Variants in TBX18 observed in about 807,000 individuals in gnomAD.
TBX18 encodes T-box transcription factor TBX18.
Under a neutral mutation model 55.0 loss-of-function variants are expected in TBX18, and 21 were observed. That is an observed-to-expected ratio of 0.38 (90% CI 0.27 to 0.55). TBX18 has a LOEUF of 0.55. TBX18 is among the 20% of genes least tolerant of loss of function. The pLI, the probability that TBX18 is intolerant of heterozygous loss-of-function variation, is 0.73. For missense variants in TBX18, 840 were observed against 799.6 expected (o/e 1.05, Z -0.61); for synonymous variants, 342 against 326.1 (o/e 1.05, Z -0.53).
intron 3 of TBX18, among the ~76,000 whole-genome samples, chr6:84,758,664 T>C (rs912784639): frequency 9.9e-5 from 15 of 152,118 alleles, no homozygotes; most frequent in African/African-American, 1.4e-4. Context: ...TGGAAATGAA[T>C]TGAGTTACTG....
chr6:84,759,501 A>G (rs376215745), intron 3 of TBX18, among the ~76,000 whole-genome samples: 162 of 152,210 alleles, frequency 1.1e-3, no homozygotes, highest in Middle Eastern at 3.4e-3. Flanking sequence ...TTAGCTCTTC[A>G]GAAAAATATA....
rs1485493339 is a variant in TBX18, at chr6:84,764,397, C to T, written c.-216G>A. The T allele has an allele frequency of 1.6e-6, 1 of 614,080 alleles. No individual in the cohort carries two copies. The highest frequency in any genetic ancestry group is 2.6e-6 in the Non-Finnish European group (1 of 388,864). 38.0% of individuals were successfully genotyped at this position (614,080 alleles called of 1,614,324 possible). On this transcript the variant is annotated 5_prime_UTR_variant, in exon 1 of 8. Coordinates refer to ENST00000369663, the MANE Select transcript of TBX18 (RefSeq NM_001080508.3). ...CGACGCGCCGGCCAAGTCTCCTTTC[C>T]TGGGTCTCTCTCGCGCGCTCTCTCA...
chr6:84,762,143 T>A (rs190077535), intron 2 of TBX18, among the ~76,000 whole-genome samples: 1 of 146,758 alleles, frequency 6.8e-6, no homozygotes, highest in East Asian at 2.0e-4. Context: ...AAACTGCTGT[T>A]TAAAAATAAA....
At chr6:84,762,265 G>A (rs962223784) in intron 2 of TBX18, among the ~76,000 whole-genome samples, 1 of 152,116 alleles carries the variant, frequency 6.6e-6, no homozygotes, top group African/African-American at 2.4e-5. Context: ...CGCCCTGAAC[G>A]CAGAACATCA....
Position 84,762,608 on chromosome 6 carries a change from C to G in TBX18, c.433G>C (p.Gly145Arg), listed in dbSNP as rs1263168175. The change falls in exon 2 of 8, where the codon GGA (glycine) becomes CGA (arginine). Residue 145 changes from glycine (G) to arginine (R), a missense_variant. Physicochemically the swap from Gly to Arg is moderately radical, Grantham distance 125 (BLOSUM62 -2). Transcript: ENST00000369663. ...TGAAAGCGCTTCCAGAGCTCGGCTC[C>G]CTGCAGATCCACCCGCGGGGCCTGC... ...SPQAPRVDLQ[G>R]AELWKRFHEI... 8 of 1,613,600 alleles carry G rather than the reference C, an allele frequency of 5.0e-6. No individual in the cohort carries two copies. Among genetic ancestry groups the G allele is most frequent in the Non-Finnish European group, 6.8e-6 (8 of 1,179,834 alleles).
chr6:84,737,668 G>A (rs1766918827), intron 7 of TBX18, among the ~76,000 whole-genome samples: 1 of 152,168 alleles, frequency 6.6e-6, no homozygotes, highest in African/African-American at 2.4e-5. Flanking sequence ...CTTAGAGAGG[G>A]TAGTTAACCC....
chr6:84,745,741 A>G (rs1183827819), intron 5 of TBX18, among the ~76,000 whole-genome samples: 1 of 152,138 alleles, frequency 6.6e-6, no homozygotes, highest in Non-Finnish European at 1.5e-5. Flanking sequence ...TTTTTTAAAA[A>G]GTACAGATTT....
chr6:84,758,749 C>T (rs215941), intron 3 of TBX18, among the ~76,000 whole-genome samples: 22,966 of 152,014 alleles, frequency 0.15, 2,304 homozygotes, highest in East Asian at 0.39. Context: ...AACTCCACAC[C>T]CACTGACAGA....
intron 3 of TBX18, among the ~76,000 whole-genome samples, chr6:84,759,106 T>G (rs952820981): frequency 6.6e-6 from 1 of 152,152 alleles, no homozygotes; most frequent in Non-Finnish European, 1.5e-5. Context: ...CAAGTATATT[T>G]AAAAAATGAA....
At chr6:84,742,962 T>C (rs1029926812) in intron 6 of TBX18, among the ~76,000 whole-genome samples, 4 of 151,898 alleles carry the variant, frequency 2.6e-5, no homozygotes, top group African/African-American at 9.7e-5. Context: ...CAGAAACACC[T>C]CTGAAAAACA....
Position 84,762,747 on chromosome 6 carries a change from G to T in TBX18, c.294C>A (p.Gly98=), listed in dbSNP as rs1767689532. Residue 98 remains glycine (G), a splice_region_variant and synonymous_variant, in exon 2 of 8, where the codon GGC becomes GGA. Coordinates refer to ENST00000369663, the MANE Select transcript of TBX18 (RefSeq NM_001080508.3). ...SGADLERGAA[G]GCEDGFQQGA... is the part of the protein sequence containing the mutation. ...CCTGCTGGAAGCCGTCCTCACAGCC[G>T]CCTGGACAGCAAAGGACAGAGAAAG... is the stretch of plus-strand genomic sequence containing the variant. 1 of 1,596,066 alleles carries T rather than the reference G, an allele frequency of 6.3e-7. No individual in the cohort carries two copies. The highest frequency in any genetic ancestry group is 1.1e-5 in the South Asian group (1 of 89,842).
chr6:84,761,945 G>A (rs1306600102), intron 2 of TBX18, among the ~76,000 whole-genome samples: 1 of 152,140 alleles, frequency 6.6e-6, no homozygotes, highest in African/African-American at 2.4e-5. Flanking sequence ...TTAAAAATCA[G>A]GGTAATTATT....
intron 2 of TBX18, among the ~76,000 whole-genome samples, chr6:84,762,093 A>G (rs185314721): frequency 1.3e-5 from 2 of 152,292 alleles, no homozygotes; most frequent in African/African-American, 4.8e-5. Context: ...TCTGCCTGGG[A>G]GTTTCAAATC....
chr6:84,756,516 G>A (rs1381613049), intron 4 of TBX18, among the ~76,000 whole-genome samples, 182 bp downstream of exon 4: 1 of 152,148 alleles, frequency 6.6e-6, no homozygotes, highest in Non-Finnish European at 1.5e-5. Context: ...ATGCCTCATC[G>A]GATAATTCTG....
In TBX18 at chr6:84,764,100, C is replaced by G; in HGVS notation, c.82G>C (p.Ala28Pro). Residue 28 changes from alanine (A) to proline (P), a missense_variant, in exon 1 of 8, where the codon GCC (alanine) becomes CCC (proline). Coordinates refer to ENST00000369663, the MANE Select transcript of TBX18 (RefSeq NM_001080508.3). ...HAFSVEALIG[A>P]EKQQQLQKKR... ...TTCTGAAGCTGTTGCTGCTTCTCGGCGCCGATCAGCGCCTCCACCGAGAAA... is the reference window on the plus strand; with the variant it reads ...TTCTGAAGCTGTTGCTGCTTCTCGGGGCCGATCAGCGCCTCCACCGAGAAA... 6.3e-7 allele frequency: 1 copy of G among 1,585,668 alleles called. No individual in the cohort carries two copies. Among genetic ancestry groups the G allele is most frequent in the Admixed American group, 1.7e-5 (1 of 58,706 alleles).
At chr6:84,744,349 T>C (rs1767126231) in intron 5 of TBX18, 24 bp from the exon 6 acceptor site, 2 of 1,599,102 alleles carry the variant, frequency 1.3e-6, no homozygotes, top group Non-Finnish European at 1.7e-6. Context: ...AAAAAAAATA[T>C]CAAATCTTAT....
intron 4 of TBX18, among the ~76,000 whole-genome samples, chr6:84,751,794 CTAAT>C (rs1767356165): frequency 6.6e-6 from 1 of 152,176 alleles, no homozygotes; most frequent in Admixed American, 6.5e-5. Flanking sequence ...TACAGCTTTA[CTAAT>C]TAGAGATCAG....
chr6:84,747,584 C>A (rs1461672395), intron 5 of TBX18, among the ~76,000 whole-genome samples: 1 of 152,116 alleles, frequency 6.6e-6, no homozygotes, highest in Non-Finnish European at 1.5e-5. Context: ...AAGTCCCATG[C>A]TCTATGATAC....
At position 84,748,051 on chromosome 6, in the gene TBX18, C is replaced by T; in HGVS notation, c.808G>A (p.Val270Met). The stretch of plus-strand genomic sequence containing the variant: ...CCACAGTCTTTACGGATGACGTGCA[C>T]TCGCGGTTGGTATTTGTGCATAGAA... ...LHSMHKYQPR[V>M]HVIRKDCGDD... Residue 270 changes from valine to methionine, a missense_variant, in exon 5 of 8, where the codon GTG becomes ATG. Coordinates refer to ENST00000369663, the MANE Select transcript of TBX18 (RefSeq NM_001080508.3). 6.2e-7 allele frequency: 1 copy of T among 1,612,796 alleles called. No homozygotes were observed. The highest frequency in any genetic ancestry group is 8.5e-7 in the Non-Finnish European group (1 of 1,179,114).
Sources: allele counts gnomAD v4.1 joint callset (sites outside exome capture counted in the v4.1 genomes callset), GRCh38; gene constraint gnomAD v4.1.1; transcripts MANE v1.5; gene names NCBI Gene and HGNC (gene_info 2026-07-23, HGNC 2026-07-21).